Variants in VPS35L observed in about 807,000 individuals in gnomAD.
VPS35L encodes the protein VPS35 endosomal protein-sorting factor-like.
A neutral mutation model predicts 133.0 loss-of-function variants in VPS35L; 83 were observed. That is an observed-to-expected ratio of 0.62 (90% confidence interval 0.52 to 0.75). The LOEUF is 0.75. Among genes scored for constraint, VPS35L ranks in the 30% least tolerant of loss-of-function variants. The pLI is 0.00. For missense variants in VPS35L, 1,083 were observed against 1,206.8 expected, an observed-to-expected ratio of 0.90 and a Z score of 1.52; for synonymous variants, 423 against 449.9, an observed-to-expected ratio of 0.94 and a Z score of 0.76.
At chr16:19,593,361 A>G (rs575982795) in intron 8 of VPS35L, among the ~76,000 whole-genome samples, 2 of 152,310 alleles carry the variant, frequency 1.3e-5, no homozygotes, top group East Asian at 3.9e-4. Context: ...TGGGCTCCCA[A>G]CCCAGCAAAT....
chr16:19,637,554 A>T, intron 19 of VPS35L, 40 bp from the exon 20 acceptor site: 2 of 1,395,410 alleles, frequency 1.4e-6, no homozygotes, highest in Non-Finnish European at 9.7e-7. Context: ...TTTAAAAATT[A>T]AGTTTTTAAA....
intron 6 of VPS35L, 56 bp downstream of exon 6, chr16:19,579,184 C>T: frequency 5.3e-6 from 8 of 1,500,556 alleles, no homozygotes; most frequent in South Asian, 1.2e-5. Flanking sequence ...TTCCTCCTGC[C>T]AAGTGAGATC....
intron 24 of VPS35L, among the ~76,000 whole-genome samples, chr16:19,648,637 G>A (rs1232582284): frequency 6.6e-6 from 1 of 152,102 alleles, no homozygotes; most frequent in African/African-American, 2.4e-5. Context: ...GGAGTCTGAG[G>A]CTAGCAGATC....
At chr16:19,576,569 G>T (rs1402650882) in intron 5 of VPS35L, among the ~76,000 whole-genome samples, 1 of 152,078 alleles carries the variant, frequency 6.6e-6, no homozygotes, top group African/African-American at 2.4e-5. Flanking sequence ...TGCTCCAAGG[G>T]GATTCTGGAG....
At chr16:19,640,626 A>G (rs1973758288) in intron 21 of VPS35L, among the ~76,000 whole-genome samples, 1 of 152,248 alleles carries the variant, frequency 6.6e-6, no homozygotes, top group Non-Finnish European at 1.5e-5. Flanking sequence ...GCTCTTTAAC[A>G]AAAAAGAAAA....
In VPS35L at chr16:19,592,083, T is replaced by C. The variant is rs565083373; in HGVS notation, c.724+209T>C. 6.8e-5 allele frequency among the ~76,000 whole-genome samples: 10 copies of C among 147,540 alleles called. No homozygotes were observed. In the East Asian group the frequency reaches 1.9e-3, roughly 29 times the overall value. Reference sequence around the variant, plus strand: ...TTTCTAAAATTTTATTTTTTCTTCTTTTTTTTTTTGAGTCAGGGTCTTGCT... The same window carrying C: ...TTTCTAAAATTTTATTTTTTCTTCTCTTTTTTTTTGAGTCAGGGTCTTGCT... On this transcript the variant is annotated intron_variant, in intron 8 of 30. Transcript: ENST00000417362.
chr16:19,658,695 AAAAG>A (rs894975589), intron 26 of VPS35L, among the ~76,000 whole-genome samples: 3 of 152,110 alleles, frequency 2.0e-5, no homozygotes, highest in African/African-American at 4.8e-5. Context: ...AGGAAAAAAA[AAAAG>A]AGGTGGCATT....
chr16:19,686,569 G>A (rs1467764232), intron 28 of VPS35L, among the ~76,000 whole-genome samples: 1 of 152,008 alleles, frequency 6.6e-6, no homozygotes, highest in Non-Finnish European at 1.5e-5. Context: ...CAAAGCATTC[G>A]GGTTTGCAAC....
At chr16:19,606,212 C>G (rs1034829034) in intron 9 of VPS35L, among the ~76,000 whole-genome samples, 4 of 152,178 alleles carry the variant, frequency 2.6e-5, no homozygotes, top group African/African-American at 4.8e-5. Context: ...AATCTCAGTT[C>G]CTTCAGCTAG....
At chr16:19,645,672 C>G (rs1437375263) in intron 23 of VPS35L, among the ~76,000 whole-genome samples, 1 of 152,102 alleles carries the variant, frequency 6.6e-6, no homozygotes, top group African/African-American at 2.4e-5. Context: ...AGGTTTCCAT[C>G]CCCCCCAGCT....
Position 19,699,232 on chromosome 16 carries a change from T to C in VPS35L, c.2647-270T>C, listed in dbSNP as rs748528639. 22 of 370,068 alleles carry C rather than the reference T, an allele frequency of 5.9e-5. No homozygotes were observed. The highest frequency in any genetic ancestry group is 1.0e-4 in the Non-Finnish European group (20 of 196,078). 22.9% of individuals were successfully genotyped at this position (370,068 alleles called of 1,614,324 possible). On this transcript the variant is annotated intron_variant, in intron 29 of 30. Coordinates refer to ENST00000417362, the MANE Select transcript of VPS35L (RefSeq NM_020314.7). The surrounding 1 kb of genome is among the most constrained non-coding windows in gnomAD (Gnocchi z 4.2). ...TCGACCTCACTGACTGGTGAGTTTC[T>C]TCCATTTCATGAGTAATGACCATCT...
intron 28 of VPS35L, among the ~76,000 whole-genome samples, chr16:19,683,924 G>A (rs557412124): frequency 1.3e-5 from 2 of 152,236 alleles, no homozygotes; most frequent in Non-Finnish European, 2.9e-5. Context: ...CACTGACAGA[G>A]TGTTAAGTGT....
At chr16:19,615,555 C>A (rs2151552257) in intron 12 of VPS35L, among the ~76,000 whole-genome samples, 1 of 152,124 alleles carries the variant, frequency 6.6e-6, no homozygotes, top group African/African-American at 2.4e-5. Flanking sequence ...GAGGCTGAGG[C>A]AGGAGAATTG....
At chr16:19,681,443 G>A (rs1597431127) in intron 27 of VPS35L, among the ~76,000 whole-genome samples, 1 of 152,300 alleles carries the variant, frequency 6.6e-6, no homozygotes, top group African/African-American at 2.4e-5. Context: ...ATGTGGCTGG[G>A]GTAAGGGAAG....
intron 6 of VPS35L, among the ~76,000 whole-genome samples, chr16:19,580,052 T>A (rs1363366445): frequency 6.6e-6 from 1 of 150,502 alleles, no homozygotes; most frequent in African/African-American, 2.4e-5. Flanking sequence ...ATACAAAAAT[T>A]AGCTGGGCAT....
intron 26 of VPS35L, among the ~76,000 whole-genome samples, chr16:19,657,383 G>C (rs1291470401): frequency 6.6e-6 from 1 of 152,026 alleles, no homozygotes; most frequent in Non-Finnish European, 1.5e-5. Context: ...TCAGAGCTGG[G>C]TTCATATGTC....
At position 19,672,808 on chromosome 16, in the gene VPS35L, GAA is replaced by G. The variant is rs1974921748; in HGVS notation, c.2361+3516_2361+3517del. Among the ~76,000 whole-genome samples the G allele has an allele frequency of 2.0e-5, 3 of 151,584 alleles. No homozygotes were observed. The South Asian group carries it at 6.2e-4, about 31-fold the overall frequency. ...TTATTTATCAAGTGAGAAGGCAAAA[GAA>G]AAAAAATCAGGGTTTTGAATTAAGC... is the stretch of plus-strand genomic sequence containing the variant. On this transcript the variant is annotated intron_variant, in intron 27 of 30. Coordinates refer to ENST00000417362, the MANE Select transcript of VPS35L (RefSeq NM_020314.7).
At chr16:19,636,158 A>G (rs1973617171) in intron 19 of VPS35L, among the ~76,000 whole-genome samples, 1 of 152,218 alleles carries the variant, frequency 6.6e-6, no homozygotes, top group Non-Finnish European at 1.5e-5. Context: ...ACTGCATGCC[A>G]GCCTGTGCAA....
At chr16:19,644,748 C>G in intron 22 of VPS35L, 138 bp from the exon 23 acceptor site, 1 of 488,264 alleles carries the variant, frequency 2.0e-6, no homozygotes, top group Non-Finnish European at 3.6e-6. Context: ...GAAAAATAAG[C>G]AGCCTGTTGG....
Sources: allele counts gnomAD v4.1 joint callset (sites outside exome capture counted in the v4.1 genomes callset), GRCh38; gene constraint gnomAD v4.1.1; non-coding constraint Gnocchi (gnomAD v3.1); transcripts MANE v1.5; gene names NCBI Gene and HGNC (gene_info 2026-07-23, HGNC 2026-07-21).